Variants in ITGA1 observed in about 807,000 individuals in gnomAD.
ITGA1 encodes the protein integrin alpha-1.
In ITGA1, 85 loss-of-function variants were observed where a neutral mutation model predicts 145.9. The observed-to-expected ratio is 0.58, with a 90% confidence interval of 0.49 to 0.70. The LOEUF (loss-of-function observed/expected upper bound fraction) is 0.70, where lower values mean the gene tolerates loss of function less well. Among genes scored for constraint, ITGA1 ranks in the 30% least tolerant of loss-of-function variants. ITGA1 has a pLI of 0.00. For missense variants in ITGA1, 1,351 were observed against 1,418.7 expected (o/e 0.95, Z 0.77); for synonymous variants, 520 against 495.3 (o/e 1.05, Z -0.66).
intron 1 of ITGA1, among the ~76,000 whole-genome samples, chr5:52,789,492 T>C (rs528565739): frequency 2.0e-5 from 3 of 152,196 alleles, no homozygotes; most frequent in Non-Finnish European, 4.4e-5. Flanking sequence ...GAAGATGATT[T>C]AGAAGTTGAT....
intron 1 of ITGA1, among the ~76,000 whole-genome samples, chr5:52,834,510 A>G (rs985305877): frequency 6.6e-6 from 1 of 151,316 alleles, no homozygotes; most frequent in African/African-American, 2.4e-5. Context: ...GGAAAAAGAG[A>G]GAGAAAGAAG....
chr5:52,793,161 A>C (rs949789125), intron 1 of ITGA1, among the ~76,000 whole-genome samples: 2 of 152,074 alleles, frequency 1.3e-5, no homozygotes, highest in African/African-American at 4.8e-5. Flanking sequence ...ATAATGCACC[A>C]CGGTATTATA....
At chr5:52,806,244 T>C (rs1198614933) in intron 1 of ITGA1, among the ~76,000 whole-genome samples, 1 of 151,476 alleles carries the variant, frequency 6.6e-6, no homozygotes, top group Non-Finnish European at 1.5e-5. Flanking sequence ...GCCAACATGA[T>C]TTATAAAGGA....
chr5:52,827,231 G>A (rs72756553), intron 1 of ITGA1, among the ~76,000 whole-genome samples: 34,605 of 151,932 alleles, frequency 0.23, 4,237 homozygotes, highest in South Asian at 0.41. Flanking sequence ...TGCAGATACG[G>A]TGGGAATAGC....
At chr5:52,817,327 T>C (rs1157946606) in intron 1 of ITGA1, among the ~76,000 whole-genome samples, 1 of 152,200 alleles carries the variant, frequency 6.6e-6, no homozygotes, top group African/African-American at 2.4e-5. Flanking sequence ...TGAGCATTAC[T>C]AGCCATTGTG....
chr5:52,841,223 G>T (rs539865420), intron 1 of ITGA1, among the ~76,000 whole-genome samples: 1 of 152,280 alleles, frequency 6.6e-6, no homozygotes, highest in East Asian at 1.9e-4. Flanking sequence ...AACATTAATT[G>T]TATTGGGAAG....
At chr5:52,915,619 T>TAA (rs754924040) in intron 15 of ITGA1, 25 bp downstream of exon 15, 22 of 1,612,086 alleles carry the variant, frequency 1.4e-5, no homozygotes, top group Non-Finnish European at 1.9e-5. Flanking sequence ...AACATCCTGT[T>TAA]AATCTGAGAC....
chr5:52,932,689 G>A (rs1750910259), intron 22 of ITGA1: 2 of 152,114 alleles, frequency 1.3e-5, no homozygotes, highest in African/African-American at 4.8e-5. Context: ...TGCTTAAGCA[G>A]AACTCCAAGC....
intron 22 of ITGA1, 52 bp from the exon 23 acceptor site, chr5:52,933,842 A>T: frequency 2.2e-6 from 2 of 921,880 alleles, no homozygotes; most frequent in Non-Finnish European, 3.2e-6. Context: ...ATGAGGCCAA[A>T]TAAAAGTTAA....
chr5:52,868,576 T>C (rs1266979841), intron 6 of ITGA1, among the ~76,000 whole-genome samples: 4 of 152,224 alleles, frequency 2.6e-5, no homozygotes, highest in East Asian at 1.9e-4. Flanking sequence ...TGAAGTTATA[T>C]GTATTTTCTG....
chr5:52,868,187 T>G (rs779033900), intron 6 of ITGA1, among the ~76,000 whole-genome samples: 17 of 152,220 alleles, frequency 1.1e-4, no homozygotes, highest in Non-Finnish European at 1.8e-4. Flanking sequence ...TACAATTTAT[T>G]ATACAGCCAT....
chr5:52,914,919 A>C (rs951833339), intron 14 of ITGA1, among the ~76,000 whole-genome samples: 20 of 152,312 alleles, frequency 1.3e-4, no homozygotes, highest in African/African-American at 4.1e-4. Context: ...AATACATCTG[A>C]GTGGAATTGA....
chr5:52,914,599 A>G (rs1024493788), intron 14 of ITGA1, among the ~76,000 whole-genome samples: 7 of 150,262 alleles, frequency 4.7e-5, no homozygotes, highest in African/African-American at 1.2e-4. Context: ...TAGCGTCTCA[A>G]AAAAAAAAAG....
rs746604991 is a variant in ITGA1, at chr5:52,794,994, T to C, written c.61+6580T>C. ...CCATTTTCTTACCTAAGCACGGCTA[T>C]CTCAAATATTGAAATAGGCTTATAC... On this transcript the variant is annotated intron_variant, in intron 1 of 28. Coordinates refer to ENST00000282588, the MANE Select transcript of ITGA1 (RefSeq NM_181501.2). Among the ~76,000 whole-genome samples, 28 of 152,120 alleles carry C rather than the reference T, an allele frequency of 1.8e-4. 1 individual carries two copies. The highest frequency in any genetic ancestry group is 6.3e-4 in the African/African-American group (26 of 41,570).
At chr5:52,837,421 A>G (rs1045857274) in intron 1 of ITGA1, among the ~76,000 whole-genome samples, 1 of 152,210 alleles carries the variant, frequency 6.6e-6, no homozygotes, top group South Asian at 2.1e-4. Context: ...CACTCACCCC[A>G]TGGAAGGAAA....
At chr5:52,900,961 G>T (rs1384433334) in intron 11 of ITGA1, among the ~76,000 whole-genome samples, 1 of 151,968 alleles carries the variant, frequency 6.6e-6, no homozygotes, top group African/African-American at 2.4e-5. Context: ...TAGTATTGTG[G>T]TAGGCAGAAT....
intron 1 of ITGA1, among the ~76,000 whole-genome samples, chr5:52,791,448 T>C (rs1199596099): frequency 6.6e-6 from 1 of 152,090 alleles, no homozygotes; most frequent in Non-Finnish European, 1.5e-5. Context: ...AGTGACAAAA[T>C]TGAAGCCCAG....
chr5:52,795,334 T>C (rs1440545190), intron 1 of ITGA1, among the ~76,000 whole-genome samples: 1 of 151,698 alleles, frequency 6.6e-6, no homozygotes, highest in East Asian at 1.9e-4. Flanking sequence ...AAGATTAGGT[T>C]TGTGTTGCAG....
At chr5:52,834,756 T>G (rs1425285324) in intron 1 of ITGA1, among the ~76,000 whole-genome samples, 2 of 151,890 alleles carry the variant, frequency 1.3e-5, no homozygotes, top group African/African-American at 4.8e-5. Flanking sequence ...TCCCTTTCTT[T>G]TATTATAAGG....
Sources: gnomAD v4.1 joint callset for allele counts (sites outside exome capture counted in the v4.1 genomes callset) on GRCh38, gnomAD v4.1.1 for gene constraint, MANE v1.5 for transcripts, NCBI Gene and HGNC (gene_info 2026-07-23, HGNC 2026-07-21) for gene names.